The following CFTR variants were observed in gnomAD, a reference collection of about 807,000 sequenced individuals.
CFTR encodes CF transmembrane conductance regulator, also known as cystic fibrosis transmembrane conductance regulator.
A neutral mutation model predicts 171.6 loss-of-function variants in CFTR; 181 were observed. The observed-to-expected ratio is 1.05, with a 90% CI of 0.93 to 1.19. The LOEUF is 1.19. CFTR is among the 50% of genes most tolerant of loss of function. CFTR has a pLI of 0.00. For synonymous variants in CFTR, 583 were observed against 608.0 expected, an observed-to-expected ratio of 0.96 and a Z score of 0.60; for missense variants, 1,968 against 1,734.7, an observed-to-expected ratio of 1.13 and a Z score of -2.39.
chr7:117,584,185 A>G (rs1040884727), intron 11 of CFTR, among the ~76,000 whole-genome samples: 2 of 151,884 alleles, frequency 1.3e-5, no homozygotes, highest in Non-Finnish European at 2.9e-5. Flanking sequence ...ATTATTTCCC[A>G]TCTATTTATT....
At chr7:117,632,137 T>A (rs1288548669) in intron 22 of CFTR, among the ~76,000 whole-genome samples, 1 of 152,154 alleles carries the variant, frequency 6.6e-6, no homozygotes, top group Non-Finnish European at 1.5e-5. Context: ...TAAGAACTTA[T>A]GAGAAATGTT....
intron 3 of CFTR, among the ~76,000 whole-genome samples, chr7:117,510,964 A>G (rs1314253172): frequency 6.6e-5 from 10 of 152,132 alleles, no homozygotes; most frequent in Admixed American, 5.9e-4. Context: ...AGTTACACAT[A>G]TGGTAAGTTT....
At chr7:117,532,705 A>C (rs1054185386) in intron 4 of CFTR, among the ~76,000 whole-genome samples, 2 of 152,174 alleles carry the variant, frequency 1.3e-5, no homozygotes, top group Non-Finnish European at 2.9e-5. Context: ...AGCTGCATTG[A>C]TAAAAAGTTA....
Position 117,651,974 on chromosome 7 carries a change from T to TA in CFTR, c.3874-860dup, listed in dbSNP as rs1009653387. Among the ~76,000 whole-genome samples the TA allele has an allele frequency of 1.9e-4, 29 of 152,062 alleles. 1 individual carries two copies. The highest frequency in any genetic ancestry group is 8.3e-4 in the South Asian group (4 of 4,800). On this transcript the variant is annotated intron_variant, in intron 23 of 26. Transcript: ENST00000003084. ...AACCAAAGGCAAAAGAAAAAAAGGG[T>TA]AAAAAAAATATTCTAAATGTTAATA...
At position 117,480,163 on chromosome 7, in the gene CFTR, A is replaced by G. The variant is rs775071573; in HGVS notation, c.53+16A>G. The G allele has an allele frequency of 5.6e-6, 9 of 1,613,770 alleles. No individual in the cohort carries two copies. The East Asian group carries it at 1.3e-4, about 24-fold the overall frequency. On this transcript the variant is annotated intron_variant, in intron 1 of 26. Transcript: ENST00000003084. ...TTTTTTTCAGGTGAGAAGGTGGCCA[A>G]CCGAGCTTCGGAAAGACACGTGCCC...
At chr7:117,559,928 C>T (rs1266807613) in intron 11 of CFTR, among the ~76,000 whole-genome samples, 1 of 151,888 alleles carries the variant, frequency 6.6e-6, no homozygotes, top group African/African-American at 2.4e-5. Flanking sequence ...TTTGTTCACT[C>T]ATTAGTGAGA....
At chr7:117,635,253 CCT>C (rs954348807) in intron 22 of CFTR, among the ~76,000 whole-genome samples, 1 of 151,924 alleles carries the variant, frequency 6.6e-6, no homozygotes, top group African/African-American at 2.4e-5. Flanking sequence ...AGAAATATAG[CCT>C]CTCCAGGTCT....
intron 1 of CFTR, among the ~76,000 whole-genome samples, chr7:117,494,219 C>T (rs1356750039): frequency 6.6e-6 from 1 of 152,030 alleles, no homozygotes; most frequent in Non-Finnish European, 1.5e-5. Flanking sequence ...CAAAAATCCC[C>T]AAACTATATC....
intron 15 of CFTR, among the ~76,000 whole-genome samples, chr7:117,601,272 A>T (rs1364998188): frequency 6.6e-6 from 1 of 152,080 alleles, no homozygotes; most frequent in Non-Finnish European, 1.5e-5. Context: ...CTTTTGAAAT[A>T]GCTAATTTCT....
At chr7:117,608,982 A>G (rs1426292472) in intron 18 of CFTR, among the ~76,000 whole-genome samples, 1 of 152,208 alleles carries the variant, frequency 6.6e-6, no homozygotes, top group Non-Finnish European at 1.5e-5. Context: ...AATATTGTTC[A>G]CCATGGGTAA....
chr7:117,552,804 A>G (rs1274701164), intron 10 of CFTR, among the ~76,000 whole-genome samples: 1 of 152,124 alleles, frequency 6.6e-6, no homozygotes, highest in African/African-American at 2.4e-5. Flanking sequence ...TATCTTGGAC[A>G]ACTTTCCATA....
At chr7:117,514,813 A>G (rs925120966) in intron 3 of CFTR, among the ~76,000 whole-genome samples, 2 of 152,172 alleles carry the variant, frequency 1.3e-5, no homozygotes, top group Non-Finnish European at 2.9e-5. Context: ...CAGCCTCACC[A>G]GCATCTATTG....
chr7:117,540,083 G>C lies in CFTR; in HGVS notation c.870-17G>C. 1.9e-6 allele frequency: 3 copies of C among 1,603,620 alleles called. No homozygotes were observed. Among genetic ancestry groups the C allele is most frequent in the Non-Finnish European group, 2.6e-6 (3 of 1,171,102 alleles). On this transcript the variant is annotated splice_polypyrimidine_tract_variant and intron_variant, in intron 7 of 26. Coordinates refer to ENST00000003084, the MANE Select transcript of CFTR (RefSeq NM_000492.4). ...ATAAAATAACATCCTGAATTTTATT[G>C]TTATTGTTTTTTATAGAACAGAACT...
chr7:117,610,476 G>C (rs1333107431), intron 18 of CFTR, 43 bp from the exon 19 acceptor site: 1 of 1,545,188 alleles, frequency 6.5e-7, no homozygotes, highest in Middle Eastern at 1.7e-4. Flanking sequence ...ACTTTGCAAT[G>C]TGAAAATGTT....
chr7:117,526,329 C>A (rs1245389536), intron 3 of CFTR, among the ~76,000 whole-genome samples: 3 of 129,128 alleles, frequency 2.3e-5, no homozygotes, highest in Non-Finnish European at 4.8e-5. Flanking sequence ...ACAAAGACAC[C>A]ACATACCAGA....
At chr7:117,594,302 A>G (rs1792085583) in intron 14 of CFTR, among the ~76,000 whole-genome samples, 1 of 152,202 alleles carries the variant, frequency 6.6e-6, no homozygotes. Context: ...TTTGTGAGAA[A>G]CAAAACTCTT....
chr7:117,522,279 G>A (rs576704569), intron 3 of CFTR, among the ~76,000 whole-genome samples: 1 of 152,290 alleles, frequency 6.6e-6, no homozygotes, highest in African/African-American at 2.4e-5. Context: ...CTCTGCCATG[G>A]GACTCTGCAG....
At chr7:117,518,396 ATAAT>A (rs948182454) in intron 3 of CFTR, among the ~76,000 whole-genome samples, 54 of 146,890 alleles carry the variant, frequency 3.7e-4, no homozygotes, top group Non-Finnish European at 1.9e-4. Context: ...AAATAATATA[ATAAT>A]TTATATATAT....
In CFTR at chr7:117,507,446, C is replaced by T. The variant is rs2237722; in HGVS notation, c.165-1588C>T. 7.9e-5 allele frequency among the ~76,000 whole-genome samples: 12 copies of T among 152,174 alleles called. No individual in the cohort carries two copies. In the South Asian group the frequency reaches 2.5e-3, roughly 32 times the overall value. ...TAACAACACCTTTCTACATTACTTC[C>T]GTGTGGACCACTTTTTCACATTGAA... On this transcript the variant is annotated intron_variant, in intron 2 of 26. Coordinates refer to ENST00000003084, the MANE Select transcript of CFTR (RefSeq NM_000492.4).
Sources: gnomAD v4.1 joint callset for allele counts (sites outside exome capture counted in the v4.1 genomes callset) on GRCh38, gnomAD v4.1.1 for gene constraint, MANE v1.5 for transcripts, NCBI Gene and HGNC (gene_info 2026-07-23, HGNC 2026-07-21) for gene names.